The following FBXO33 variants were observed in gnomAD, a reference collection of about 807,000 sequenced individuals.
FBXO33 encodes F-box protein 33.
A neutral mutation model predicts 46.3 loss-of-function variants in FBXO33; 22 were observed. The observed-to-expected ratio is 0.48, with a 90% CI of 0.34 to 0.68. FBXO33 has a LOEUF of 0.68. Among genes scored for constraint, FBXO33 ranks in the 30% least tolerant of loss-of-function variants. The probability of loss-of-function intolerance (pLI) is 0.01; values close to 1 mark genes in which losing one functional copy is unlikely to be tolerated. For synonymous variants in FBXO33, 337 were observed against 291.3 expected (o/e 1.16, Z -1.60); for missense variants, 692 against 708.8 (o/e 0.98, Z 0.27).
At chr14:39,405,114 G>A (rs766587671) in intron 1 of FBXO33, among the ~76,000 whole-genome samples, 2 of 141,648 alleles carry the variant, frequency 1.4e-5, no homozygotes, top group Admixed American at 1.4e-4. Flanking sequence ...ACGCCATTGC[G>A]TGTGATTCTG....
chr14:39,425,530 A>G (rs1284178905), intron 1 of FBXO33, among the ~76,000 whole-genome samples: 1 of 152,252 alleles, frequency 6.6e-6, no homozygotes, highest in East Asian at 1.9e-4. Flanking sequence ...AATTAATAAA[A>G]GCTAAAATAA....
intron 1 of FBXO33, 61 bp from the exon 2 acceptor site, chr14:39,402,572 TA>T (rs1248142373): frequency 2.4e-6 from 2 of 817,032 alleles, no homozygotes; most frequent in Non-Finnish European, 3.4e-6. Context: ...AATATAAATA[TA>T]AAAAATAAGA....
In FBXO33 at chr14:39,431,566, G is replaced by A. The variant is rs374930407; in HGVS notation, c.597C>T (p.Asn199=). The change falls in exon 1 of 4, where the codon AAC becomes AAT. Residue 199 remains asparagine (N), a splice_region_variant and synonymous_variant. Coordinates refer to ENST00000298097, the MANE Select transcript of FBXO33 (RefSeq NM_203301.4). The part of the protein sequence containing the change: ...VLCVLVSIRN[N]RNLQKFSLFG... ...GGCGGGGCTCAGGGCAAGCCTACCTGTTGTTCCGGATGCTGACCAGCACGC... is the reference window on the plus strand; with the variant it reads ...GGCGGGGCTCAGGGCAAGCCTACCTATTGTTCCGGATGCTGACCAGCACGC... 2 of 1,611,926 alleles carry A rather than the reference G, an allele frequency of 1.2e-6. No homozygotes were observed. The highest frequency in any genetic ancestry group is 1.3e-5 in the African/African-American group (1 of 75,072).
intron 3 of FBXO33, 126 bp from the exon 4 acceptor site, chr14:39,399,913 G>T: frequency 3.7e-6 from 4 of 1,087,570 alleles, no homozygotes; most frequent in Non-Finnish European, 3.7e-6. Context: ...TACCGTTTTG[G>T]TCTTTTTCCT....
chr14:39,414,301 C>T (rs1039797520), intron 1 of FBXO33, among the ~76,000 whole-genome samples: 1 of 152,232 alleles, frequency 6.6e-6, no homozygotes. Flanking sequence ...TCAGCCTTCA[C>T]AGACTTGAAG....
At chr14:39,409,838 T>C (rs1246814876) in intron 1 of FBXO33, among the ~76,000 whole-genome samples, 1 of 152,222 alleles carries the variant, frequency 6.6e-6, no homozygotes, top group African/African-American at 2.4e-5. Context: ...TCAATGGGAT[T>C]TTCTTAATTT....
At chr14:39,400,685 A>G (rs1319149491) in intron 3 of FBXO33, among the ~76,000 whole-genome samples, 1 of 152,220 alleles carries the variant, frequency 6.6e-6, no homozygotes, top group Non-Finnish European at 1.5e-5. Flanking sequence ...CAGAATACCA[A>G]CTCTAGATCC....
rs770188473 is a variant in FBXO33 at position 39,431,804 on chromosome 14, G to A, written c.359C>T (p.Ala120Val). 4 of 1,611,426 alleles carry A rather than the reference G, an allele frequency of 2.5e-6. No individual in the cohort carries two copies. The highest frequency in any genetic ancestry group is 3.4e-6 in the Non-Finnish European group (4 of 1,179,882). The change falls in exon 1 of 4, where the codon GCG (alanine) becomes GTG (valine). Residue 120 changes from alanine (A) to valine (V), a missense_variant. By Grantham distance (64) the Ala-to-Val change is moderately conservative (BLOSUM62 0). Transcript: ENST00000298097. The part of the protein sequence containing the change: ...QLRICLRVSP[A>V]EQPRLEFLMR... ...GAGGAATTCCAGCCGAGGCTGCTCC[G>A]CGGGCGAGACGCGGAGGCAGATGCG...
At chr14:39,402,257 A>C in intron 2 of FBXO33, 144 bp downstream of exon 2, 2 of 452,158 alleles carry the variant, frequency 4.4e-6, no homozygotes, top group Non-Finnish European at 7.7e-6. Flanking sequence ...GATGCTGATC[A>C]CTGTATTTCA....
intron 1 of FBXO33, among the ~76,000 whole-genome samples, chr14:39,426,539 A>G (rs536646349): frequency 3.5e-4 from 53 of 152,182 alleles, no homozygotes; most frequent in Non-Finnish European, 7.1e-4. Flanking sequence ...CTTGGAATAT[A>G]TTCCAAACTT....
At chr14:39,431,432 C>T in intron 1 of FBXO33, 132 bp downstream of exon 1, 7 of 1,488,630 alleles carry the variant, frequency 4.7e-6, no homozygotes, top group Non-Finnish European at 6.3e-6. Flanking sequence ...TAGTTAGAAC[C>T]AACACTCTCC....
chr14:39,411,538 T>C (rs1395071007), intron 1 of FBXO33, among the ~76,000 whole-genome samples: 2 of 151,816 alleles, frequency 1.3e-5, no homozygotes, highest in African/African-American at 4.8e-5. Flanking sequence ...TTTTTTTTTC[T>C]TGAGACAAGA....
At chr14:39,408,499 A>G (rs1295679693) in intron 1 of FBXO33, among the ~76,000 whole-genome samples, 1 of 151,836 alleles carries the variant, frequency 6.6e-6, no homozygotes, top group East Asian at 1.9e-4. Flanking sequence ...ATGGTTTGCT[A>G]ATATTTAACT....
chr14:39,406,013 T>C (rs541422437), intron 1 of FBXO33, among the ~76,000 whole-genome samples: 20 of 151,624 alleles, frequency 1.3e-4, no homozygotes, highest in African/African-American at 4.6e-4. Flanking sequence ...TATAAAACTG[T>C]TCTTGTGAGA....
intron 3 of FBXO33, among the ~76,000 whole-genome samples, 193 bp from the exon 4 acceptor site, chr14:39,399,980 A>T (rs1358404227): frequency 1.3e-5 from 2 of 152,222 alleles, no homozygotes; most frequent in African/African-American, 4.8e-5. Flanking sequence ...AGAAAAAAAA[A>T]GGCTAGAAGT....
intron 2 of FBXO33, 93 bp downstream of exon 2, chr14:39,402,308 A>T (rs983156740): frequency 3.1e-6 from 2 of 638,996 alleles, no homozygotes; most frequent in Non-Finnish European, 4.8e-6. Context: ...TTTTAGGAAA[A>T]AAATCATTAC....
intron 1 of FBXO33, among the ~76,000 whole-genome samples, chr14:39,417,177 T>C (rs8006321): frequency 0.27 from 41,013 of 152,188 alleles, 5,778 homozygotes; most frequent in East Asian, 0.51. Flanking sequence ...TGCAGAACAG[T>C]GCCATCTGTA....
intron 1 of FBXO33, among the ~76,000 whole-genome samples, chr14:39,405,748 AC>A (rs1221270173): frequency 6.6e-6 from 1 of 151,510 alleles, no homozygotes; most frequent in Admixed American, 6.6e-5. Context: ...ATATAAAATC[AC>A]CCCACATAAG....
At chr14:39,421,212 T>A (rs1182827553) in intron 1 of FBXO33, among the ~76,000 whole-genome samples, 1 of 152,252 alleles carries the variant, frequency 6.6e-6, no homozygotes, top group Non-Finnish European at 1.5e-5. Context: ...TTTGAGGTTT[T>A]GAAAAGTAGG....
Sources: allele counts gnomAD v4.1 joint callset (sites outside exome capture counted in the v4.1 genomes callset), GRCh38; gene constraint gnomAD v4.1.1; transcripts MANE v1.5; gene names NCBI Gene and HGNC (gene_info 2026-07-23, HGNC 2026-07-21).